MRTFB: variants seen among roughly 807,000 people sequenced by gnomAD.
MRTFB encodes the protein myocardin related transcription factor B.
In MRTFB, 29 loss-of-function variants were observed where a neutral mutation model predicts 104.2. The ratio of observed to expected loss-of-function variants is 0.28; its 90% confidence interval spans 0.21 to 0.38. The LOEUF (loss-of-function observed/expected upper bound fraction) is 0.38. Among genes scored for constraint, MRTFB ranks in the 10% least tolerant of loss-of-function variants. The pLI is 1.00. For missense variants in MRTFB, 1,270 were observed against 1,341.6 expected (o/e 0.95, Z 0.83); for synonymous variants, 535 against 519.5 (o/e 1.03, Z -0.41).
At chr16:14,233,712 C>CGTTCA (rs753629847) in intron 8 of MRTFB, among the ~76,000 whole-genome samples, 79 of 150,046 alleles carry the variant, frequency 5.3e-4, no homozygotes, top group Middle Eastern at 7.0e-3. Flanking sequence ...ATTGCTTGAA[C>CGTTCA]CCAGGAGGCA....
intron 3 of MRTFB, chr16:14,142,843 C>A (rs983257459): frequency 3.9e-5 from 6 of 151,924 alleles, no homozygotes; most frequent in Non-Finnish European, 8.8e-5. Context: ...AGGTGGCAAG[C>A]CCAAATATAA....
rs544303974 is a variant in MRTFB, at chr16:14,111,776, T to G, written c.-63-28768T>G. Reference sequence around the variant, plus strand: ...CGTTCACTCCCTGGTTCCCCCTTTTTCTCGGTCCTCTGGCGCCTCTTTCTA... The same window carrying G: ...CGTTCACTCCCTGGTTCCCCCTTTTGCTCGGTCCTCTGGCGCCTCTTTCTA... On this transcript the variant is annotated intron_variant, in intron 2 of 16. Coordinates refer to ENST00000571589, the MANE Select transcript of MRTFB (RefSeq NM_001308142.2). Among the ~76,000 whole-genome samples, 6 of 152,260 alleles carry G rather than the reference T, an allele frequency of 3.9e-5. No homozygotes were observed. The South Asian group carries it at 1.0e-3, about 26-fold the overall frequency.
At chr16:14,039,018 C>G in the MRTFB span, among the ~76,000 whole-genome samples, 2 of 152,160 alleles carry the variant, frequency 1.3e-5, no homozygotes, top group Admixed American at 1.3e-4. Flanking sequence ...AAACTGCCCC[C>G]ATGATTCAGT....
chr16:14,169,322 CT>C (rs61025361), intron 3 of MRTFB, among the ~76,000 whole-genome samples: 57 of 152,282 alleles, frequency 3.7e-4, no homozygotes, highest in African/African-American at 1.3e-3. Flanking sequence ...TTCTTTCCCC[CT>C]AATCCATTCT....
intron 2 of MRTFB, among the ~76,000 whole-genome samples, chr16:14,130,444 C>A (rs1436982675): frequency 6.6e-6 from 1 of 152,104 alleles, no homozygotes; most frequent in African/African-American, 2.4e-5. Flanking sequence ...AAAATCAATT[C>A]CTGGGTCAAA....
At chr16:14,061,102 C>T in the MRTFB span, among the ~76,000 whole-genome samples, 1 of 151,808 alleles carries the variant, frequency 6.6e-6, no homozygotes, top group Non-Finnish European at 1.5e-5. Context: ...GCCAAGATGG[C>T]GCCACTGCAC....
chr16:14,159,277 A>G (rs1003324940), intron 3 of MRTFB, among the ~76,000 whole-genome samples: 5 of 152,236 alleles, frequency 3.3e-5, no homozygotes, highest in African/African-American at 1.2e-4. Flanking sequence ...AGTCTAGAAC[A>G]CAGAGCTGTA....
At chr16:14,128,850 A>G (rs2037294785) in intron 2 of MRTFB, among the ~76,000 whole-genome samples, 2 of 152,194 alleles carry the variant, frequency 1.3e-5, no homozygotes, top group South Asian at 4.1e-4. Flanking sequence ...TTTTTGGCAT[A>G]AGTTCTAGGT....
intron 16 of MRTFB, among the ~76,000 whole-genome samples, 190 bp downstream of exon 16, chr16:14,258,351 G>A (rs1021084595): frequency 3.3e-5 from 5 of 152,154 alleles, no homozygotes; most frequent in Non-Finnish European, 7.4e-5. Flanking sequence ...GGTGGCTCAC[G>A]TCTATGATCC....
At position 14,263,186 on chromosome 16, in the gene MRTFB, G is replaced by A. The variant is rs1398233987; in HGVS notation, c.*1742G>A. ...CAAGGCAGAGGCCACTGTGCTCAGT[G>A]TAGTCTGTGATGAATAGTTTAAGTG... On this transcript the variant is annotated 3_prime_UTR_variant, in exon 17 of 17. Transcript: ENST00000571589. The A allele has an allele frequency of 1.3e-5, 2 of 152,260 alleles. No individual in the cohort carries two copies. Among genetic ancestry groups the A allele is most frequent in the African/African-American group, 2.4e-5 (1 of 41,466 alleles). 9.4% of individuals were successfully genotyped at this position (152,260 alleles called of 1,614,324 possible).
rs10616011 is a variant in MRTFB at position 14,193,210 on chromosome 16, CAAAAAAAA to C, written c.155-17011_155-17004del. 6.7e-4 allele frequency among the ~76,000 whole-genome samples: 38 copies of C among 56,434 alleles called. No individual in the cohort carries two copies. The East Asian group carries it at 0.014, about 21-fold the overall frequency. The allele number at this position is 56,434 out of a possible 152,430, so 37.0% of individuals were successfully genotyped here. A position where few individuals can be genotyped will look rare whatever the true frequency, so the allele number is the denominator to read the frequency against. On this transcript the variant is annotated intron_variant, in intron 3 of 16. Transcript: ENST00000571589. ...CCTGGGCAACAGTGAGACCCTGTCT[CAAAAAAAA>C]AAAAAAAAAAAAAAAAAAAAAGAAT...
intron 2 of MRTFB, among the ~76,000 whole-genome samples, chr16:14,085,244 T>C (rs555131543): frequency 1.1e-4 from 17 of 151,752 alleles, no homozygotes; most frequent in Admixed American, 3.3e-4. Flanking sequence ...TCACCAGAAG[T>C]CGGGAGTTTG....
chr16:14,148,179 A>G (rs1216095480), intron 3 of MRTFB, among the ~76,000 whole-genome samples: 1 of 152,206 alleles, frequency 6.6e-6, no homozygotes, highest in East Asian at 1.9e-4. Flanking sequence ...TTAAATAAGT[A>G]TGACTCAGCT....
chr16:14,168,356 C>T (rs910877392), intron 3 of MRTFB, among the ~76,000 whole-genome samples: 2 of 152,148 alleles, frequency 1.3e-5, no homozygotes, highest in Non-Finnish European at 2.9e-5. Flanking sequence ...CAGAGCATTG[C>T]TATCACCGCA....
chr16:14,244,141 G>C (rs568960543), intron 10 of MRTFB, among the ~76,000 whole-genome samples: 1 of 152,158 alleles, frequency 6.6e-6, no homozygotes, highest in Non-Finnish European at 1.5e-5. Flanking sequence ...GCCTCCCAAA[G>C]TGCAGTTTTG....
intron 3 of MRTFB, among the ~76,000 whole-genome samples, chr16:14,154,658 C>G (rs2038760911): frequency 6.6e-6 from 1 of 152,180 alleles, no homozygotes; most frequent in Non-Finnish European, 1.5e-5. Context: ...AGTACCTCTG[C>G]CTCAGAGTCT....
At chr16:14,043,048 G>A in the MRTFB span, among the ~76,000 whole-genome samples, 411 of 152,316 alleles carry the variant, frequency 2.7e-3, 1 homozygote, top group Middle Eastern at 0.02. Context: ...GCAAAGGAAC[G>A]GGTCCTCTGG....
chr16:14,210,152 G>A (rs1431502592), intron 3 of MRTFB, 91 bp from the exon 4 acceptor site: 2 of 908,878 alleles, frequency 2.2e-6, no homozygotes, highest in African/African-American at 1.6e-5. Flanking sequence ...GAAGATGCTT[G>A]ATAAAGCTTA....
the MRTFB span, among the ~76,000 whole-genome samples, chr16:14,037,732 G>A: frequency 3.3e-4 from 51 of 152,266 alleles, no homozygotes; most frequent in African/African-American, 1.1e-3. Context: ...AAGTGCATGA[G>A]GCAGAGAAGG....
Sources: gnomAD v4.1 joint callset for allele counts (sites outside exome capture counted in the v4.1 genomes callset) on GRCh38, gnomAD v4.1.1 for gene constraint, MANE v1.5 for transcripts, NCBI Gene and HGNC (gene_info 2026-07-23, HGNC 2026-07-21) for gene names.